The following CAMK4 variants were observed in gnomAD, a reference collection of about 807,000 sequenced individuals.
CAMK4 encodes calcium/calmodulin dependent protein kinase IV.
Under a neutral mutation model 44.9 loss-of-function variants are expected in CAMK4, and 22 were observed. That is an observed-to-expected ratio of 0.49 (90% CI 0.35 to 0.70). CAMK4 has a LOEUF of 0.70. Ranked by LOEUF, CAMK4 falls within the 30% of genes least tolerant of loss-of-function variation. The pLI is 0.01. For synonymous variants in CAMK4, 218 were observed against 215.4 expected (o/e 1.01, Z -0.11); for missense variants, 498 against 586.8 (o/e 0.85, Z 1.56).
At chr5:111,273,692 T>TAC (rs1750620498) in intron 1 of CAMK4, among the ~76,000 whole-genome samples, 2 of 50,404 alleles carry the variant, frequency 4.0e-5, no homozygotes, top group Non-Finnish European at 6.6e-5. Flanking sequence ...TATATATATA[T>TAC]ATATATATAT....
intron 7 of CAMK4, among the ~76,000 whole-genome samples, chr5:111,462,869 C>G (rs760587276): frequency 1.3e-5 from 2 of 152,208 alleles, no homozygotes; most frequent in Non-Finnish European, 2.9e-5. Flanking sequence ...GAGGGATACT[C>G]AGTCTCTAAA....
chr5:111,285,623 C>A (rs1289475710), intron 1 of CAMK4, among the ~76,000 whole-genome samples: 1 of 152,176 alleles, frequency 6.6e-6, no homozygotes, highest in Non-Finnish European at 1.5e-5. Flanking sequence ...TTCTTCACAT[C>A]TTTTCTCTTT....
chr5:111,270,979 G>A (rs952510011), intron 1 of CAMK4, among the ~76,000 whole-genome samples: 20 of 152,164 alleles, frequency 1.3e-4, no homozygotes, highest in Admixed American at 7.9e-4. Context: ...TTCTTCACAA[G>A]GCGGCAGGAA....
rs561587415 is a variant in CAMK4, at chr5:111,243,919, G to C, written c.161+19275G>C. Among the ~76,000 whole-genome samples the C allele has an allele frequency of 1.2e-4, 18 of 152,254 alleles. No individual in the cohort carries two copies. The South Asian group carries it at 3.7e-3, about 32-fold the overall frequency. ...AGATTTTTTCAGGAACTTAGAGCTG[G>C]ATAGAACTTTAAAATTCAACCAGTC... On this transcript the variant is annotated intron_variant, in intron 1 of 10. Transcript: ENST00000282356.
intron 4 of CAMK4, among the ~76,000 whole-genome samples, chr5:111,377,211 T>C (rs1407662124): frequency 6.6e-6 from 1 of 152,102 alleles, no homozygotes; most frequent in South Asian, 2.1e-4. Context: ...AATAAAAAGA[T>C]AGAATGTCTA....
At position 111,488,284 on chromosome 5, in the gene CAMK4, T is replaced by G. The variant is rs1755701173; in HGVS notation, c.*3818T>G. 1 of 152,234 alleles carries G rather than the reference T, an allele frequency of 6.6e-6. No individual in the cohort carries two copies. The highest frequency in any genetic ancestry group is 1.5e-5 in the Non-Finnish European group (1 of 68,046). The allele number at this position is 152,234 out of a possible 1,614,324, so 9.4% of individuals were successfully genotyped here. On this transcript the variant is annotated 3_prime_UTR_variant, in exon 11 of 11. Coordinates refer to ENST00000282356, the MANE Select transcript of CAMK4 (RefSeq NM_001744.6). ...ATGCCAGTTATCCTCAAAGTGGGAA[T>G]ATGACCATTAGCTGGCATTTTTTAA...
chr5:111,378,603 G>C (rs1751302083), intron 4 of CAMK4, among the ~76,000 whole-genome samples: 1 of 152,050 alleles, frequency 6.6e-6, no homozygotes, highest in South Asian at 2.1e-4. Context: ...CCTTAGAGCA[G>C]GTTCAACATA....
chr5:111,312,468 G>A (rs937456213), intron 1 of CAMK4, among the ~76,000 whole-genome samples: 3 of 152,162 alleles, frequency 2.0e-5, no homozygotes, highest in African/African-American at 7.2e-5. Context: ...ATGCCTGGCT[G>A]TGAGTAACTG....
rs370159289 is a variant in CAMK4, at chr5:111,244,689, C to T, written c.161+20045C>T. 4.1e-4 allele frequency among the ~76,000 whole-genome samples: 63 copies of T among 152,180 alleles called. No individual in the cohort carries two copies. In the South Asian group the frequency reaches 0.013, roughly 31 times the overall value. On this transcript the variant is annotated intron_variant, in intron 1 of 10. Coordinates refer to ENST00000282356, the MANE Select transcript of CAMK4 (RefSeq NM_001744.6). ...TATCTTGGCCAACATGGCGAAACCCCATCTCTATTAAAAATACAAAAATTA... is the reference window on the plus strand; with the variant it reads ...TATCTTGGCCAACATGGCGAAACCCTATCTCTATTAAAAATACAAAAATTA...
chr5:111,301,758 C>A (rs1263431318), intron 1 of CAMK4, among the ~76,000 whole-genome samples: 1 of 152,200 alleles, frequency 6.6e-6, no homozygotes, highest in African/African-American at 2.4e-5. Context: ...GACTCCACAA[C>A]TTTCCTATAC....
Position 111,446,754 on chromosome 5 carries a change from C to A in CAMK4, c.528C>A (p.Ala176=). ...KPENLLYATP[A]PDAPLKIADF... ...AGAATCTTCTTTATGCAACTCCAGC[C>A]CCAGATGCACCACTCAAAATCGGTG... Residue 176 remains alanine (A), a synonymous_variant, in exon 6 of 11, where the codon GCC becomes GCA. Transcript: ENST00000282356. 1 of 1,604,824 alleles carries A rather than the reference C, an allele frequency of 6.2e-7. No individual in the cohort carries two copies. The highest frequency in any genetic ancestry group is 8.5e-7 in the Non-Finnish European group (1 of 1,171,762).
intron 4 of CAMK4, among the ~76,000 whole-genome samples, chr5:111,387,021 C>T (rs965663254): frequency 6.6e-6 from 1 of 152,242 alleles, no homozygotes; most frequent in Non-Finnish European, 1.5e-5. Flanking sequence ...AGGCAAACCA[C>T]AGGGCCCTGG....
intron 2 of CAMK4, among the ~76,000 whole-genome samples, chr5:111,366,059 A>C (rs750373180): frequency 6.6e-6 from 1 of 152,158 alleles, no homozygotes; most frequent in Non-Finnish European, 1.5e-5. Context: ...AGCAGAAGTT[A>C]TGCATAGGGA....
intron 1 of CAMK4, among the ~76,000 whole-genome samples, chr5:111,258,740 C>CGTGTGTGT (rs201959904): frequency 0.015 from 2,153 of 139,310 alleles, 44 homozygotes; most frequent in Non-Finnish European, 0.023. Context: ...GAGTTATCAG[C>CGTGTGTGT]GTGTGTGTGT....
intron 8 of CAMK4, among the ~76,000 whole-genome samples, chr5:111,475,859 C>T (rs530694006): frequency 2.0e-5 from 3 of 152,138 alleles, no homozygotes; most frequent in Non-Finnish European, 1.5e-5. Context: ...ATTTAGTGGC[C>T]TGCTGGGCAC....
intron 1 of CAMK4, among the ~76,000 whole-genome samples, chr5:111,256,579 G>T (rs1749756079): frequency 6.6e-6 from 1 of 152,066 alleles, no homozygotes; most frequent in South Asian, 2.1e-4. Context: ...TATTTGAAAT[G>T]GGCCAATAGT....
In CAMK4 at chr5:111,368,152, G is replaced by T. The variant is rs73214498; in HGVS notation, c.241-6698G>T. ...AAACTGCTATTCTTCAAGGTATTTTGTAGATACTAAAGGTATGTCTTATGG... is the reference window on the plus strand; with the variant it reads ...AAACTGCTATTCTTCAAGGTATTTTTTAGATACTAAAGGTATGTCTTATGG... On this transcript the variant is annotated intron_variant, in intron 2 of 10. Transcript: ENST00000282356. 7.8e-3 allele frequency among the ~76,000 whole-genome samples: 1,191 copies of T among 152,092 alleles called. 13 individuals carry two copies. The highest frequency in any genetic ancestry group is 0.027 in the African/African-American group (1,106 of 41,480).
intron 2 of CAMK4, among the ~76,000 whole-genome samples, chr5:111,363,078 GA>G (rs1750657375): frequency 6.6e-6 from 1 of 152,102 alleles, no homozygotes; most frequent in African/African-American, 2.4e-5. Flanking sequence ...TGAAATGGGG[GA>G]GAAGAGTGAG....
intron 5 of CAMK4, among the ~76,000 whole-genome samples, chr5:111,415,577 C>A (rs1752786477): frequency 6.6e-6 from 1 of 152,150 alleles, no homozygotes; most frequent in South Asian, 2.1e-4. Context: ...GAAATTCGTG[C>A]ATAGCATATA....
Sources: gnomAD v4.1 joint callset for allele counts (sites outside exome capture counted in the v4.1 genomes callset) on GRCh38, gnomAD v4.1.1 for gene constraint, MANE v1.5 for transcripts, NCBI Gene and HGNC (gene_info 2026-07-23, HGNC 2026-07-21) for gene names.